Variants in RTL9 observed in about 807,000 individuals in gnomAD.
RTL9 encodes the protein retrotransposon Gag-like protein 9.
A neutral mutation model predicts 44.7 loss-of-function variants in RTL9; 19 were observed. The observed-to-expected ratio is 0.42, with a 90% CI of 0.30 to 0.62. RTL9 has a LOEUF of 0.62. RTL9 is among the 20% of genes least tolerant of loss of function. The pLI, the probability that RTL9 is intolerant of heterozygous loss-of-function variation, is 0.16. For missense variants in RTL9, 1,105 were observed against 1,080.6 expected, an observed-to-expected ratio of 1.02 and a Z score of -0.32; for synonymous variants, 407 against 398.9, an observed-to-expected ratio of 1.02 and a Z score of -0.24.
intron 1 of RTL9, among the ~76,000 whole-genome samples, chrX:110,377,172 G>T (rs958185497): frequency 4.5e-5 from 5 of 111,963 alleles, no homozygotes; most frequent in East Asian, 2.8e-4. Context: ...TTGGAATCCT[G>T]CTAGTTGAGT....
chrX:110,382,942 A>G (rs983680768), intron 1 of RTL9, among the ~76,000 whole-genome samples: 1 of 112,062 alleles, frequency 8.9e-6, no homozygotes, highest in African/African-American at 3.2e-5. Flanking sequence ...TTGGTGGCCC[A>G]TGGCCTATAA....
intron 1 of RTL9, among the ~76,000 whole-genome samples, chrX:110,398,018 G>A (rs2068539993): frequency 8.9e-6 from 1 of 112,245 alleles, no homozygotes; most frequent in South Asian, 3.7e-4. Context: ...CCAGATTCTA[G>A]CCCAGTCCTC....
chrX:110,420,410 C>T (rs2068708609), intron 1 of RTL9, among the ~76,000 whole-genome samples: 1 of 111,778 alleles, frequency 8.9e-6, no homozygotes, highest in Non-Finnish European at 1.9e-5. Context: ...ATGTGTATTT[C>T]CCTGGTCAAG....
At chrX:110,415,477 A>G (rs781135685), upstream of RTL9, among the ~76,000 whole-genome samples, 1 of 111,476 alleles carries the variant, frequency 9.0e-6, no homozygotes, top group South Asian at 3.8e-4. Context: ...TGTTTTGGCA[A>G]TGTAGCAGAC....
intron 1 of RTL9, among the ~76,000 whole-genome samples, chrX:110,427,295 A>C (rs774084262): frequency 7.2e-4 from 81 of 112,150 alleles, no homozygotes; most frequent in African/African-American, 2.5e-3. Context: ...CCTCCACTTA[A>C]CACTTGTAAA....
At chrX:110,420,231 G>A (rs895036149) in intron 1 of RTL9, among the ~76,000 whole-genome samples, 2 of 112,324 alleles carry the variant, frequency 1.8e-5, no homozygotes, top group Non-Finnish European at 3.8e-5. Flanking sequence ...TAGACGAGGA[G>A]CTTCTCAAGT....
intron 1 of RTL9, among the ~76,000 whole-genome samples, chrX:110,384,097 T>A (rs897707163): frequency 8.9e-6 from 1 of 112,238 alleles, no homozygotes; most frequent in Non-Finnish European, 1.9e-5. Context: ...TACTTGTATA[T>A]GTAATATACA....
exon 1 of RTL9, chrX:110,452,859 T>G: frequency 1.7e-6 from 2 of 1,210,555 alleles, no homozygotes; most frequent in South Asian, 3.5e-5. Flanking sequence ...GCAGATGAAT[T>G]CCCCAACCTC....
At chrX:110,404,026 G>A (rs1602973203) in intron 1 of RTL9, among the ~76,000 whole-genome samples, 1 of 112,470 alleles carries the variant, frequency 8.9e-6, no homozygotes, top group African/African-American at 3.2e-5. Flanking sequence ...GTGGAAGCTC[G>A]ACTAATGTTT....
intron 1 of RTL9, among the ~76,000 whole-genome samples, chrX:110,405,097 C>G (rs186850485): frequency 5.8e-4 from 59 of 101,239 alleles, no homozygotes; most frequent in East Asian, 3.2e-3. Context: ...GTCCCCCCCC[C>G]CCCCAAGCAT....
chrX:110,367,465 C>T (rs183507233), intron 1 of RTL9, among the ~76,000 whole-genome samples: 2 of 111,273 alleles, frequency 1.8e-5, no homozygotes, highest in Admixed American at 9.6e-5. Flanking sequence ...CGCCCAACAG[C>T]GGCATTTGAC....
At position 110,453,063 on chromosome X, in the gene RTL9, G is replaced by A. The variant is rs768040774; in HGVS notation, c.2446G>A (p.Gly816Arg). The change falls in exon 1 of 2, where the codon GGA becomes AGA. Residue 816 changes from glycine (G) to arginine (R), a missense_variant. Transcript: ENST00000540313. Reference sequence around the variant, plus strand: ...CACGCCTCTGAGATCCCCAGCTTATGGAGCCATGTCTGCTCCACAAATGAC... The same window carrying A: ...CACGCCTCTGAGATCCCCAGCTTATAGAGCCATGTCTGCTCCACAAATGAC... 2 of 1,211,320 alleles carry A rather than the reference G, an allele frequency of 1.7e-6. No individual in the cohort carries two copies. Among genetic ancestry groups the A allele is most frequent in the East Asian group, 5.9e-5 (2 of 33,797 alleles).
At chrX:110,426,432 A>T (rs1457454567) in intron 1 of RTL9, among the ~76,000 whole-genome samples, 3 of 111,728 alleles carry the variant, frequency 2.7e-5, no homozygotes, top group African/African-American at 9.8e-5. Context: ...AATAGTCATG[A>T]CCAGTGACGC....
At chrX:110,395,872 C>A (rs1355058114) in intron 1 of RTL9, among the ~76,000 whole-genome samples, 2 of 111,307 alleles carry the variant, frequency 1.8e-5, no homozygotes, top group East Asian at 5.7e-4. Context: ...CTGGCTGCTA[C>A]TGGAGGCCAG....
intron 1 of RTL9, among the ~76,000 whole-genome samples, chrX:110,436,145 A>G (rs1321499638): frequency 8.9e-6 from 1 of 112,556 alleles, no homozygotes; most frequent in African/African-American, 3.2e-5. Context: ...TGGAGTTTAG[A>G]TAAGTGAAAC....
chrX:110,451,582 C>T (rs1368180095), exon 1 of RTL9: 4 of 1,211,855 alleles, frequency 3.3e-6, no homozygotes, highest in Non-Finnish European at 4.5e-6. Flanking sequence ...GTAATGTCCA[C>T]ACCGCTACTG....
At position 110,367,814 on chromosome X, in the gene RTL9, A is replaced by T. The variant is rs181919042; in HGVS notation, c.-168+8898A>T. ...AATACTTTCAGCTGAATAGTTAAAA[A>T]TTTATTTGTTTAGAAACAGCATCTC... On this transcript the variant is annotated intron_variant, in intron 1 of 2. Transcript: ENST00000520821. Among the ~76,000 whole-genome samples, 597 of 109,372 alleles carry T rather than the reference A, an allele frequency of 5.5e-3. 3 individuals carry two copies. The highest frequency in any genetic ancestry group is 0.019 in the African/African-American group (565 of 30,015). The allele number at this position is 109,372 out of a possible 115,157, so 95.0% of individuals were successfully genotyped here.
chrX:110,428,810 A>G (rs1210301982), intron 1 of RTL9, among the ~76,000 whole-genome samples: 5 of 112,266 alleles, frequency 4.5e-5, no homozygotes, highest in African/African-American at 1.3e-4. Flanking sequence ...GTCCTGGTGC[A>G]AAACGAAAAT....
chrX:110,394,617 T>C (rs1361402714), intron 1 of RTL9, among the ~76,000 whole-genome samples: 2 of 112,754 alleles, frequency 1.8e-5, no homozygotes, highest in African/African-American at 6.5e-5. Flanking sequence ...CAAGAACCTG[T>C]CAAGGACGTT....
Sources: gnomAD v4.1 joint callset for allele counts (sites outside exome capture counted in the v4.1 genomes callset) on GRCh38, gnomAD v4.1.1 for gene constraint, MANE v1.5 for transcripts, NCBI Gene and HGNC (gene_info 2026-07-23, HGNC 2026-07-21) for gene names.